DMD: variants seen among roughly 807,000 people sequenced by gnomAD.
DMD encodes the protein mutant dystrophin.
A neutral mutation model predicts 330.1 loss-of-function variants in DMD; 63 were observed. The observed-to-expected ratio is 0.19, with a 90% CI of 0.16 to 0.24. The LOEUF (loss-of-function observed/expected upper bound fraction) is 0.24, where lower values mean the gene tolerates loss of function less well. Among genes scored for constraint, DMD ranks in the 10% least tolerant of loss-of-function variants. The pLI is 1.00. For synonymous variants in DMD, 1,223 were observed against 959.8 expected, an observed-to-expected ratio of 1.27 and a Z score of -5.07; for missense variants, 3,344 against 2,684.1, an observed-to-expected ratio of 1.25 and a Z score of -5.43.
chrX:33,044,742 A>G (rs2094353650), intron 1 of DMD, among the ~76,000 whole-genome samples: 1 of 111,929 alleles, frequency 8.9e-6, no homozygotes, highest in Non-Finnish European at 1.9e-5. Context: ...CCAGAGCTGA[A>G]GAGCCGTATT....
intron 43 of DMD, among the ~76,000 whole-genome samples, chrX:32,279,965 C>CCA (rs2097408345): frequency 3.1e-5 from 2 of 64,596 alleles, no homozygotes; most frequent in Non-Finnish European, 6.6e-5. Flanking sequence ...TATGTGTAAC[C>CCA]CATATATATA....
At chrX:32,430,487 A>G (rs189791103) in intron 29 of DMD, among the ~76,000 whole-genome samples, 2 of 111,718 alleles carry the variant, frequency 1.8e-5, no homozygotes, top group Non-Finnish European at 1.9e-5. Flanking sequence ...TGATAAAAAC[A>G]TTACCTCAAT....
intron 55 of DMD, among the ~76,000 whole-genome samples, chrX:31,582,264 T>C (rs893715809): frequency 2.7e-5 from 3 of 111,230 alleles, no homozygotes; most frequent in African/African-American, 9.8e-5. Context: ...TCGTTGAGGA[T>C]GGGAAGTTGG....
intron 41 of DMD, among the ~76,000 whole-genome samples, chrX:32,333,237 A>G (rs1230928001): frequency 9.0e-6 from 1 of 111,497 alleles, no homozygotes; most frequent in East Asian, 2.8e-4. Flanking sequence ...TCCATCTTGT[A>G]TCTTTCTCCT....
At chrX:33,042,208 G>C (rs1473391430) in intron 1 of DMD, among the ~76,000 whole-genome samples, 1 of 111,934 alleles carries the variant, frequency 8.9e-6, no homozygotes, top group East Asian at 2.8e-4. Context: ...TGGGCTGCCA[G>C]GTAAATTGGA....
At chrX:31,896,362 G>A (rs1469236270) in intron 47 of DMD, among the ~76,000 whole-genome samples, 1 of 111,756 alleles carries the variant, frequency 8.9e-6, no homozygotes, top group Non-Finnish European at 1.9e-5. Context: ...TGCTGAAAGA[G>A]GATGCATCCA....
At chrX:31,574,907 GT>G (rs1240081657) in intron 55 of DMD, among the ~76,000 whole-genome samples, 4 of 111,716 alleles carry the variant, frequency 3.6e-5, no homozygotes, top group Non-Finnish European at 7.5e-5. Context: ...AAAATGCTAT[GT>G]TCAAATGACC....
At chrX:32,667,278 G>A (rs2061363432) in intron 9 of DMD, among the ~76,000 whole-genome samples, 1 of 111,599 alleles carries the variant, frequency 9.0e-6, no homozygotes, top group African/African-American at 3.3e-5. Context: ...GAAGACGTTT[G>A]TAGTAAACAG....
At chrX:31,321,612 A>G (rs945286108) in intron 62 of DMD, among the ~76,000 whole-genome samples, 20 of 93,975 alleles carry the variant, frequency 2.1e-4, no homozygotes, top group Non-Finnish European at 3.4e-4. Context: ...AAAAAAAAAG[A>G]AAGAAACCAA....
intron 1 of DMD, among the ~76,000 whole-genome samples, chrX:33,036,081 A>G (rs991763935): frequency 1.8e-5 from 2 of 111,320 alleles, no homozygotes; most frequent in African/African-American, 3.3e-5. Flanking sequence ...AACTAAAACC[A>G]ATAGATTGTA....
At chrX:31,812,042 A>ATTT (rs200812146) in intron 50 of DMD, among the ~76,000 whole-genome samples, 1 of 103,088 alleles carries the variant, frequency 9.7e-6, no homozygotes, top group Non-Finnish European at 2.0e-5. Flanking sequence ...TAAATTAACC[A>ATTT]TTTTTTTTTT....
intron 50 of DMD, among the ~76,000 whole-genome samples, chrX:31,794,885 A>C (rs2149326403): frequency 8.9e-6 from 1 of 111,919 alleles, no homozygotes; most frequent in South Asian, 3.7e-4. Context: ...GAGCCTCCCA[A>C]TGTGAATGAC....
chrX:31,599,421 T>C (rs977378439), intron 55 of DMD, among the ~76,000 whole-genome samples: 1 of 112,193 alleles, frequency 8.9e-6, no homozygotes, highest in Non-Finnish European at 1.9e-5. Context: ...CAGTGTTAAG[T>C]ACATATTAGA....
chrX:31,165,367 A>G (rs1466167646), intron 74 of DMD, among the ~76,000 whole-genome samples: 1 of 112,500 alleles, frequency 8.9e-6, no homozygotes, highest in Non-Finnish European at 1.9e-5. Flanking sequence ...CTCGTGTTAT[A>G]TAACATCTAC....
rs183403500 is a variant in DMD, at chrX:31,243,115, G to T, written c.9286+17840C>A. Among the ~76,000 whole-genome samples the T allele has an allele frequency of 1.6e-3, 181 of 111,498 alleles. 1 individual carries two copies. The highest frequency in any genetic ancestry group is 5.6e-3 in the African/African-American group (173 of 30,711). On this transcript the variant is annotated intron_variant, in intron 63 of 78. Coordinates refer to ENST00000357033, the MANE Select transcript of DMD (RefSeq NM_004006.3). The stretch of plus-strand genomic sequence containing the variant: ...AACATTCTAAGTACTCCATATTTAT[G>T]GGGGAAAAAAATCAATGCCTCACAG...
At chrX:32,866,923 A>C (rs935907172) in intron 2 of DMD, among the ~76,000 whole-genome samples, 2 of 111,008 alleles carry the variant, frequency 1.8e-5, no homozygotes, top group African/African-American at 6.6e-5. Context: ...TTTAGTAGAA[A>C]CAGGGTTTCA....
Position 31,939,791 on chromosome X carries a change from A to G in DMD, c.6615-7564T>C, listed in dbSNP as rs191441377. Reference sequence around the variant, plus strand: ...ACATAGATAAAAGTATTTATAAAACATTATGAGTACACAGGAGGAGTACTC... The same window carrying G: ...ACATAGATAAAAGTATTTATAAAACGTTATGAGTACACAGGAGGAGTACTC... On this transcript the variant is annotated intron_variant, in intron 45 of 78. Transcript: ENST00000357033. 3.1e-3 allele frequency among the ~76,000 whole-genome samples: 346 copies of G among 112,043 alleles called. 2 individuals carry two copies. The highest frequency in any genetic ancestry group is 0.011 in the African/African-American group (332 of 30,886).
intron 61 of DMD, among the ~76,000 whole-genome samples, chrX:31,336,307 G>C (rs1274491623): frequency 2.7e-5 from 3 of 111,977 alleles, no homozygotes; most frequent in African/African-American, 9.7e-5. Flanking sequence ...AGACATTTTT[G>C]GTTGTCACAG....
At chrX:32,466,373 T>C (rs1386905065) in intron 23 of DMD, among the ~76,000 whole-genome samples, 1 of 111,789 alleles carries the variant, frequency 8.9e-6, no homozygotes, top group Non-Finnish European at 1.9e-5. Flanking sequence ...TAATCCTTTT[T>C]CCTAGTTTAT....
Sources: gnomAD v4.1 joint callset for allele counts (sites outside exome capture counted in the v4.1 genomes callset) on GRCh38, gnomAD v4.1.1 for gene constraint, MANE v1.5 for transcripts, NCBI Gene and HGNC (gene_info 2026-07-23, HGNC 2026-07-21) for gene names.